Variants in TLR4 observed in about 807,000 individuals in gnomAD.
The protein encoded by TLR4 is toll like receptor 4.
TLR4 carries 17 observed loss-of-function variants against 27.4 expected under a neutral mutation model. That is an observed-to-expected ratio of 0.62 (90% CI 0.42 to 0.93). TLR4 has a LOEUF of 0.93. Among genes scored for constraint, TLR4 ranks in the 40% least tolerant of loss-of-function variants. TLR4 has a pLI of 0.00. For missense variants in TLR4, 926 were observed against 962.3 expected (o/e 0.96, Z 0.50); for synonymous variants, 363 against 365.7 (o/e 0.99, Z 0.08).
rs762746728 is a variant in TLR4, at chr9:117,713,049, G to C, written c.921G>C (p.Leu307Phe). ...LDDIIDLFNC[L>F]TNVSSFSLVS... is the part of the protein sequence containing the mutation. The stretch of plus-strand genomic sequence containing the variant: ...ATATTATTGACTTATTTAATTGTTT[G>C]ACAAATGTTTCTTCATTTTCCCTGG... The change falls in exon 3 of 3, where the codon TTG (leucine) becomes TTC (phenylalanine). Residue 307 changes from leucine (L) to phenylalanine (F), a missense_variant. Transcript: ENST00000355622. 14 of 1,613,848 alleles carry C rather than the reference G, an allele frequency of 8.7e-6. No individual in the cohort carries two copies. Among genetic ancestry groups the C allele is most frequent in the Non-Finnish European group, 1.2e-5 (14 of 1,179,940 alleles).
chr9:117,714,501 G>A lies in TLR4; in HGVS notation c.2373G>A (p.Arg791=). 1 of 1,613,844 alleles carries A rather than the reference G, an allele frequency of 6.2e-7. No homozygotes were observed. Among genetic ancestry groups the A allele is most frequent in the Non-Finnish European group, 8.5e-7 (1 of 1,180,006 alleles). Residue 791 remains arginine (R), a synonymous_variant, in exon 3 of 3, where the codon AGG becomes AGA. Coordinates refer to ENST00000355622, the MANE Select transcript of TLR4 (RefSeq NM_138554.5). The part of the protein sequence containing the change: ...QQVELYRLLS[R]NTYLEWEDSV... ...TGGAGCTGTACCGCCTTCTCAGCAG[G>A]AACACTTACCTGGAGTGGGAGGACA...
chr9:117,716,150 G>A lies in TLR4; in HGVS notation c.*1502G>A, dbSNP rs199742906. 34 of 152,166 alleles carry A rather than the reference G, an allele frequency of 2.2e-4. No individual in the cohort carries two copies. Among genetic ancestry groups the A allele is most frequent in the African/African-American group, 8.0e-4 (33 of 41,502 alleles). The allele number at this position is 152,166 out of a possible 1,614,324, so 9.4% of individuals were successfully genotyped here. ...TAGCCGTTATGAAAAACAGTACGGAGGTTTCTCAAAAATTAAAAATAGAAC... is the reference window on the plus strand; with the variant it reads ...TAGCCGTTATGAAAAACAGTACGGAAGTTTCTCAAAAATTAAAAATAGAAC... On this transcript the variant is annotated 3_prime_UTR_variant, in exon 3 of 3. Transcript: ENST00000355622.
rs1829396185 is a variant in TLR4, at chr9:117,719,337, C to T, written c.*4689C>T. ...TCTGGGAGTCATTCTGTCATGTGTCCACTGTCACCTGCTCATTGGTGGCAG... is the reference window on the plus strand; with the variant it reads ...TCTGGGAGTCATTCTGTCATGTGTCTACTGTCACCTGCTCATTGGTGGCAG... On this transcript the variant is annotated 3_prime_UTR_variant, in exon 3 of 3. Transcript: ENST00000355622. 1 of 152,050 alleles carries T rather than the reference C, an allele frequency of 6.6e-6. No individual in the cohort carries two copies. The highest frequency in any genetic ancestry group is 1.5e-5 in the Non-Finnish European group (1 of 68,022). 9.4% of individuals were successfully genotyped at this position (152,050 alleles called of 1,614,324 possible).
In TLR4 at chr9:117,713,165, C is replaced by T; in HGVS notation, c.1037C>T (p.Pro346Leu). The part of the protein sequence containing the change: ...ELVNCKFGQF[P>L]TLKLKSLKRL... The stretch of plus-strand genomic sequence containing the variant: ...GTTAACTGTAAATTTGGACAGTTTC[C>T]CACATTGAAACTCAAATCTCTCAAA... Residue 346 changes from proline (P) to leucine (L), a missense_variant, in exon 3 of 3, where the codon CCC (proline) becomes CTC (leucine). Transcript: ENST00000355622. The T allele has an allele frequency of 6.2e-7, 1 of 1,613,920 alleles. No individual in the cohort carries two copies.
rs145887797 is a variant in TLR4, at chr9:117,713,359, G to A, written c.1231G>A (p.Val411Ile). 10 of 1,613,926 alleles carry A rather than the reference G, an allele frequency of 6.2e-6. No homozygotes were observed. The highest frequency in any genetic ancestry group is 4.0e-5 in the African/African-American group (3 of 74,918). Reference sequence around the variant, plus strand: ...GTATTTAGATCTGAGCTTCAATGGTGTTATTACCATGAGTTCAAACTTCTT... The same window carrying A: ...GTATTTAGATCTGAGCTTCAATGGTATTATTACCATGAGTTCAAACTTCTT... ...LKYLDLSFNG[V>I]ITMSSNFLGL... The change falls in exon 3 of 3, where the codon GTT (valine) becomes ATT (isoleucine). Residue 411 changes from valine (V) to isoleucine (I), a missense_variant. By Grantham distance (29) the Val-to-Ile change is conservative. Coordinates refer to ENST00000355622, the MANE Select transcript of TLR4 (RefSeq NM_138554.5).
chr9:117,722,787 CAT>C lies in TLR4; in HGVS notation c.*8140_*8141del, dbSNP rs1829436508. 2 of 152,060 alleles carry C rather than the reference CAT, an allele frequency of 1.3e-5. No homozygotes were observed. Among genetic ancestry groups the C allele is most frequent in the African/African-American group, 2.4e-5 (1 of 41,376 alleles). 9.4% of individuals were successfully genotyped at this position (152,060 alleles called of 1,614,324 possible). On this transcript the variant is annotated 3_prime_UTR_variant, in exon 3 of 3. Transcript: ENST00000355622. ...CAGATCAGCATTTTCAAAAGTGTGACATGTTAGTAAATAAGATGATTTTATGT... is the reference window on the plus strand; with the variant it reads ...CAGATCAGCATTTTCAAAAGTGTGACGTTAGTAAATAAGATGATTTTATGT...
rs778593455 is a variant in TLR4, at chr9:117,721,730, C to T, written c.*7082C>T. ...TATTTTAAAATATTCTCCCAGTTTTCGTGCACAGACAGATTTGGGAATTAC... is the reference window on the plus strand; with the variant it reads ...TATTTTAAAATATTCTCCCAGTTTTTGTGCACAGACAGATTTGGGAATTAC... On this transcript the variant is annotated 3_prime_UTR_variant, in exon 3 of 3. Coordinates refer to ENST00000355622, the MANE Select transcript of TLR4 (RefSeq NM_138554.5). The T allele has an allele frequency of 2.0e-5, 3 of 152,150 alleles. No individual in the cohort carries two copies. The highest frequency in any genetic ancestry group is 4.4e-5 in the Non-Finnish European group (3 of 68,020). 9.4% of individuals were successfully genotyped at this position (152,150 alleles called of 1,614,324 possible).
Position 117,715,609 on chromosome 9 carries a change from C to G in TLR4, c.*961C>G, listed in dbSNP as rs1564267954. The G allele has an allele frequency of 6.6e-6, 1 of 152,102 alleles. No individual in the cohort carries two copies. The highest frequency in any genetic ancestry group is 2.4e-5 in the African/African-American group (1 of 41,426). 9.4% of individuals were successfully genotyped at this position (152,102 alleles called of 1,614,324 possible). The stretch of plus-strand genomic sequence containing the variant: ...CTCAGGAGGTCACCTTTTCTTGATT[C>G]CAGAAACATATGGGCTGATAAACCC... On this transcript the variant is annotated 3_prime_UTR_variant, in exon 3 of 3. Coordinates refer to ENST00000355622, the MANE Select transcript of TLR4 (RefSeq NM_138554.5).
At chr9:117,704,686 C>T (rs777175223) in intron 1 of TLR4, 121 bp downstream of exon 1, 24 of 845,188 alleles carry the variant, frequency 2.8e-5, no homozygotes, top group Non-Finnish European at 3.8e-5. Context: ...CTTAAAGACT[C>T]AAGAAGCCAC....
Position 117,713,930 on chromosome 9 carries a change from T to G in TLR4, c.1802T>G (p.Leu601Trp). The G allele has an allele frequency of 6.2e-7, 1 of 1,614,080 alleles. No homozygotes were observed. Among genetic ancestry groups the G allele is most frequent in the South Asian group, 1.1e-5 (1 of 91,090 alleles). Residue 601 changes from leucine to tryptophan, a missense_variant, in exon 3 of 3, where the codon TTG becomes TGG. By Grantham distance (61) the Leu-to-Trp change is moderately conservative. Coordinates refer to ENST00000355622, the MANE Select transcript of TLR4 (RefSeq NM_138554.5). Reference sequence around the variant, plus strand: ...TGGATCAAGGACCAGAGGCAGCTCTTGGTGGAAGTTGAACGAATGGAATGT... The same window carrying G: ...TGGATCAAGGACCAGAGGCAGCTCTGGGTGGAAGTTGAACGAATGGAATGT... ...LQWIKDQRQL[L>W]VEVERMECAT...
Position 117,715,006 on chromosome 9 carries a change from C to T in TLR4, c.*358C>T, listed in dbSNP as rs200240693. ...GAATGGAAATTGTATTATGTTATAG[C>T]CATCATAAAACCATTTTGGTAGTTT... On this transcript the variant is annotated 3_prime_UTR_variant, in exon 3 of 3. Coordinates refer to ENST00000355622, the MANE Select transcript of TLR4 (RefSeq NM_138554.5). 2 of 262,610 alleles carry T rather than the reference C, an allele frequency of 7.6e-6. No individual in the cohort carries two copies. The highest frequency in any genetic ancestry group is 1.5e-5 in the Non-Finnish European group (2 of 134,304). The allele number at this position is 262,610 out of a possible 1,614,324, so 16.3% of individuals were successfully genotyped here.
chr9:117,707,827 A>G (rs1353857947), intron 1 of TLR4, among the ~76,000 whole-genome samples: 1 of 152,248 alleles, frequency 6.6e-6, no homozygotes, highest in East Asian at 1.9e-4. Context: ...AGGTCTGGAC[A>G]TCTTGACTGC....
chr9:117,709,259 T>A (rs1394265851), intron 2 of TLR4, among the ~76,000 whole-genome samples: 2 of 152,100 alleles, frequency 1.3e-5, no homozygotes, highest in East Asian at 3.9e-4. Flanking sequence ...ATAAATTATG[T>A]TTAAACTAAA....
intron 2 of TLR4, among the ~76,000 whole-genome samples, chr9:117,709,221 T>C (rs1382411947): frequency 6.6e-6 from 1 of 152,158 alleles, no homozygotes. Context: ...GAAACTGATA[T>C]AAAGATAGCG....
chr9:117,718,904 C>G lies in TLR4; in HGVS notation c.*4256C>G, dbSNP rs947231007. The G allele has an allele frequency of 6.6e-6, 1 of 152,194 alleles. No homozygotes were observed. The highest frequency in any genetic ancestry group is 2.4e-5 in the African/African-American group (1 of 41,448). The allele number at this position is 152,194 out of a possible 1,614,324, so 9.4% of individuals were successfully genotyped here. ...ATTAGACATTTCTTTCTGATTCATTCTCTACTCACGGGATTGTCAGACCCC... is the reference window on the plus strand; with the variant it reads ...ATTAGACATTTCTTTCTGATTCATTGTCTACTCACGGGATTGTCAGACCCC... On this transcript the variant is annotated 3_prime_UTR_variant, in exon 3 of 3. Transcript: ENST00000355622.
chr9:117,711,439 T>G (rs1320889903), intron 2 of TLR4, among the ~76,000 whole-genome samples: 1 of 152,202 alleles, frequency 6.6e-6, no homozygotes, highest in African/African-American at 2.4e-5. Context: ...CTCTGAACAT[T>G]GTGTGTAGCA....
In TLR4 at chr9:117,714,362, G is replaced by T. The variant is rs200325837; in HGVS notation, c.2234G>T (p.Arg745Leu). Residue 745 changes from arginine (R) to leucine (L), a missense_variant, in exon 3 of 3, where the codon CGC (arginine) becomes CTC (leucine). By Grantham distance (102) the Arg-to-Leu change is moderately radical (BLOSUM62 -2). Coordinates refer to ENST00000355622, the MANE Select transcript of TLR4 (RefSeq NM_138554.5). ...GTGTCCCAGCACTTCATCCAGAGCC[G>T]CTGGTGTATCTTTGAATATGAGATT... ...VVVSQHFIQS[R>L]WCIFEYEIAQ... 6.2e-7 allele frequency: 1 copy of T among 1,602,284 alleles called. No homozygotes were observed. The highest frequency in any genetic ancestry group is 8.5e-7 in the Non-Finnish European group (1 of 1,170,136).
At position 117,713,357 on chromosome 9, in the gene TLR4, G is replaced by A. The variant is rs1206164929; in HGVS notation, c.1229G>A (p.Gly410Asp). The change falls in exon 3 of 3, where the codon GGT becomes GAT. Residue 410 changes from glycine to aspartate, a missense_variant. By Grantham distance (94) the Gly-to-Asp change is moderately conservative. Coordinates refer to ENST00000355622, the MANE Select transcript of TLR4 (RefSeq NM_138554.5). ...SLKYLDLSFN[G>D]VITMSSNFLG... ...AAGTATTTAGATCTGAGCTTCAATGGTGTTATTACCATGAGTTCAAACTTC... is the reference window on the plus strand; with the variant it reads ...AAGTATTTAGATCTGAGCTTCAATGATGTTATTACCATGAGTTCAAACTTC... The A allele has an allele frequency of 6.2e-7, 1 of 1,614,038 alleles. No individual in the cohort carries two copies.
intron 1 of TLR4, among the ~76,000 whole-genome samples, chr9:117,704,956 T>C (rs1564262217): frequency 1.3e-5 from 2 of 152,314 alleles, no homozygotes; most frequent in East Asian, 3.9e-4. Flanking sequence ...TGGTGGTCTT[T>C]ACACTCAGCT....
Sources: allele counts gnomAD v4.1 joint callset (sites outside exome capture counted in the v4.1 genomes callset), GRCh38; gene constraint gnomAD v4.1.1; transcripts MANE v1.5; gene names NCBI Gene and HGNC (gene_info 2026-07-23, HGNC 2026-07-21).